COL22A1: variants seen among roughly 807,000 people sequenced by gnomAD.
COL22A1 encodes the protein collagen type XXII alpha 1 chain, also known as collagen alpha-1(XXII) chain.
COL22A1 carries 221 observed loss-of-function variants against 248.9 expected under a neutral mutation model. That is an observed-to-expected ratio of 0.89 (90% confidence interval 0.80 to 0.99). The LOEUF (loss-of-function observed/expected upper bound fraction) is 0.99. Ranked by LOEUF, COL22A1 falls within the 50% of genes least tolerant of loss-of-function variation. The pLI is 0.00. For synonymous variants in COL22A1, 891 were observed against 793.4 expected, an observed-to-expected ratio of 1.12 and a Z score of -2.07; for missense variants, 2,240 against 2,179.0, an observed-to-expected ratio of 1.03 and a Z score of -0.56.
intron 56 of COL22A1, among the ~76,000 whole-genome samples, chr8:138,613,468 C>T (rs1025922495): frequency 6.6e-6 from 1 of 152,150 alleles, no homozygotes; most frequent in African/African-American, 2.4e-5. Context: ...GGCTTCTGGC[C>T]TCTAGAACCA....
intron 3 of COL22A1, among the ~76,000 whole-genome samples, chr8:138,873,899 CA>C (rs1010779987): frequency 2.0e-5 from 3 of 151,880 alleles, no homozygotes; most frequent in East Asian, 1.9e-4. Context: ...ACTACTACAT[CA>C]AAAAAAACCC....
At chr8:138,637,702 G>T (rs568268769) in intron 47 of COL22A1, among the ~76,000 whole-genome samples, 1 of 152,072 alleles carries the variant, frequency 6.6e-6, no homozygotes. Flanking sequence ...TTTGTCATGG[G>T]GTTACTGTGA....
intron 37 of COL22A1, 119 bp downstream of exon 37, chr8:138,688,798 G>C (rs1157851941): frequency 6.2e-6 from 5 of 800,728 alleles, no homozygotes; most frequent in East Asian, 4.9e-5. Context: ...CTCCTACTTA[G>C]TAAACCCCTT....
At chr8:138,806,591 C>T (rs965671518) in intron 10 of COL22A1, among the ~76,000 whole-genome samples, 12 of 152,134 alleles carry the variant, frequency 7.9e-5, no homozygotes, top group African/African-American at 2.4e-4. Flanking sequence ...TTCACCATTT[C>T]GGCTTTTGAT....
intron 30 of COL22A1, among the ~76,000 whole-genome samples, chr8:138,713,543 G>A (rs928902077): frequency 3.3e-5 from 5 of 152,138 alleles, no homozygotes; most frequent in African/African-American, 4.8e-5. Flanking sequence ...AAATAGGCCC[G>A]TGGACAAACA....
At chr8:138,688,882 T>A (rs1826584316) in intron 37 of COL22A1, 35 bp downstream of exon 37, 1 of 1,582,446 alleles carries the variant, frequency 6.3e-7, no homozygotes, top group African/African-American at 1.3e-5. Flanking sequence ...GTTAAGGATA[T>A]TCACTTGTGT....
intron 1 of COL22A1, among the ~76,000 whole-genome samples, chr8:138,899,651 G>C (rs1210355379): frequency 6.6e-6 from 1 of 152,096 alleles, no homozygotes; most frequent in African/African-American, 2.4e-5. Flanking sequence ...AGCCTCCTGG[G>C]TAGCTGGGAT....
At chr8:138,852,278 G>A (rs1239649052) in intron 3 of COL22A1, among the ~76,000 whole-genome samples, 1 of 152,142 alleles carries the variant, frequency 6.6e-6, no homozygotes, top group Non-Finnish European at 1.5e-5. Context: ...GGCCACCACA[G>A]TGGTCGGGGG....
At chr8:138,890,261 T>A (rs74332329) in intron 1 of COL22A1, among the ~76,000 whole-genome samples, 6,149 of 152,028 alleles carry the variant, frequency 0.04, 440 homozygotes, top group African/African-American at 0.14. Flanking sequence ...CTATGAAAAA[T>A]TCACAGCTAA....
intron 30 of COL22A1, among the ~76,000 whole-genome samples, chr8:138,714,929 C>T (rs553783408): frequency 9.2e-5 from 14 of 152,288 alleles, no homozygotes; most frequent in Admixed American, 5.9e-4. Flanking sequence ...TCGTTCTTCA[C>T]ACCCCGCTGG....
chr8:138,889,248 T>C (rs1465688431), intron 1 of COL22A1, among the ~76,000 whole-genome samples: 3 of 152,144 alleles, frequency 2.0e-5, no homozygotes, highest in Non-Finnish European at 4.4e-5. Flanking sequence ...ACTCAATGGA[T>C]ACAACAAATC....
At chr8:138,714,585 T>C (rs545768772) in intron 30 of COL22A1, among the ~76,000 whole-genome samples, 1 of 152,314 alleles carries the variant, frequency 6.6e-6, no homozygotes, top group Admixed American at 6.5e-5. Context: ...TTCCTAGTCC[T>C]GGAGGGTATG....
At chr8:138,667,853 C>T (rs1425297125) in intron 41 of COL22A1, among the ~76,000 whole-genome samples, 1 of 152,028 alleles carries the variant, frequency 6.6e-6, no homozygotes, top group African/African-American at 2.4e-5. Flanking sequence ...ATGAACACCC[C>T]ACCTGTGAAG....
intron 39 of COL22A1, 38 bp from the exon 40 acceptor site, chr8:138,679,714 C>A (rs377698208): frequency 6.3e-7 from 1 of 1,579,688 alleles, no homozygotes; most frequent in Non-Finnish European, 8.7e-7. Flanking sequence ...CTTCACCAAA[C>A]AAATGTTTAC....
chr8:138,806,066 G>GTGTATGTT (rs1337663402), intron 10 of COL22A1, among the ~76,000 whole-genome samples: 1 of 1,820 alleles, frequency 5.5e-4, no homozygotes, highest in East Asian at 0.012. Flanking sequence ...GTGTGTGGTG[G>GTGTATGTT]TGTGTGTGAT....
At chr8:138,703,165 A>G (rs1227052470) in intron 31 of COL22A1, 141 bp downstream of exon 31, 7 of 701,990 alleles carry the variant, frequency 1.0e-5, no homozygotes, top group Non-Finnish European at 1.8e-5. Flanking sequence ...TTTGGTTTGT[A>G]GGACCTAGGA....
intron 41 of COL22A1, among the ~76,000 whole-genome samples, chr8:138,674,604 T>G (rs1825353340): frequency 6.6e-6 from 1 of 152,068 alleles, no homozygotes; most frequent in Non-Finnish European, 1.5e-5. Flanking sequence ...ATTTCATGGG[T>G]GATTTTTGCT....
chr8:138,835,444 A>C (rs1024484235), intron 4 of COL22A1, among the ~76,000 whole-genome samples: 1 of 152,242 alleles, frequency 6.6e-6, no homozygotes, highest in African/African-American at 2.4e-5. Context: ...AGGCACCCAC[A>C]GTCCCACAAC....
intron 3 of COL22A1, among the ~76,000 whole-genome samples, chr8:138,862,408 G>A (rs1258022427): frequency 6.6e-6 from 1 of 152,122 alleles, no homozygotes; most frequent in Non-Finnish European, 1.5e-5. Flanking sequence ...CGGGGCACTG[G>A]CTTCTGGAGG....
Sources: allele counts gnomAD v4.1 joint callset (sites outside exome capture counted in the v4.1 genomes callset), GRCh38; gene constraint gnomAD v4.1.1; transcripts MANE v1.5; gene names NCBI Gene and HGNC (gene_info 2026-07-23, HGNC 2026-07-21).